Variants in GUCY1A2 observed in about 807,000 individuals in gnomAD.
GUCY1A2 encodes the protein guanylate cyclase 1 soluble subunit alpha 2, also known as guanylate cyclase soluble subunit alpha-2.
In GUCY1A2, 27 loss-of-function variants were observed where a neutral mutation model predicts 63.5. That is an observed-to-expected ratio of 0.43 (90% CI 0.31 to 0.59). The LOEUF (loss-of-function observed/expected upper bound fraction) is 0.59. Among genes scored for constraint, GUCY1A2 ranks in the 20% least tolerant of loss-of-function variants. GUCY1A2 has a pLI of 0.11. For missense variants in GUCY1A2, 768 were observed against 913.3 expected, an observed-to-expected ratio of 0.84 and a Z score of 2.05; for synonymous variants, 364 against 343.5, an observed-to-expected ratio of 1.06 and a Z score of -0.66.
chr11:106,851,779 G>C (rs1182121723), intron 4 of GUCY1A2, among the ~76,000 whole-genome samples: 2 of 151,848 alleles, frequency 1.3e-5, no homozygotes, highest in Non-Finnish European at 2.9e-5. Context: ...ACCACGCCAG[G>C]TGGTGTGATG....
rs529533537 is a variant in GUCY1A2 at position 106,978,620 on chromosome 11, G to C, written c.486C>G (p.Leu162=). 2 of 1,492,550 alleles carry C rather than the reference G, an allele frequency of 1.3e-6. No individual in the cohort carries two copies. The highest frequency in any genetic ancestry group is 1.7e-5 in the Admixed American group (1 of 58,010). 92.5% of individuals were successfully genotyped at this position (1,492,550 alleles called of 1,614,324 possible). A position where few individuals can be genotyped will look rare whatever the true frequency, so the allele number is the denominator to read the frequency against. The stretch of plus-strand genomic sequence containing the variant: ...TATAAATATATATAGTTAATATACC[G>C]AGTATATTAGCAGTACACTGAAGAA... The part of the protein sequence containing the change: ...SGILQCTANI[L]GLKFEEIQKR... Residue 162 remains leucine (L), a splice_region_variant and synonymous_variant, in exon 3 of 8, where the codon CTC becomes CTG. Coordinates refer to ENST00000526355, the MANE Select transcript of GUCY1A2 (RefSeq NM_000855.3).
At chr11:106,714,407 T>C (rs1253451902) in intron 6 of GUCY1A2, among the ~76,000 whole-genome samples, 2 of 152,208 alleles carry the variant, frequency 1.3e-5, no homozygotes, top group African/African-American at 2.4e-5. Flanking sequence ...GCAGACTGTT[T>C]TCTTTTGCAT....
At chr11:106,851,174 T>C (rs1157309688) in intron 4 of GUCY1A2, among the ~76,000 whole-genome samples, 5 of 150,662 alleles carry the variant, frequency 3.3e-5, no homozygotes, top group East Asian at 2.1e-4. Flanking sequence ...TTTGCCCACT[T>C]TTTAAATGGG....
At chr11:106,805,884 T>C (rs899641113) in intron 5 of GUCY1A2, among the ~76,000 whole-genome samples, 9 of 152,180 alleles carry the variant, frequency 5.9e-5, no homozygotes, top group Non-Finnish European at 1.2e-4. Flanking sequence ...ACAAAAACTA[T>C]AGGCTTTAGA....
intron 4 of GUCY1A2, among the ~76,000 whole-genome samples, chr11:106,923,661 CAT>C (rs1254717608): frequency 6.6e-6 from 1 of 151,514 alleles, no homozygotes; most frequent in African/African-American, 2.4e-5. Context: ...CAAATATTGA[CAT>C]ATAAAAGGGG....
chr11:106,845,909 C>G (rs1324046722), intron 4 of GUCY1A2, among the ~76,000 whole-genome samples: 1 of 151,590 alleles, frequency 6.6e-6, no homozygotes, highest in Non-Finnish European at 1.5e-5. Context: ...AAAAGATTTA[C>G]AGCCAACACC....
At position 106,994,986 on chromosome 11, in the gene GUCY1A2, G is replaced by C. The variant is rs112782057; in HGVS notation, c.304-8855C>G. 3.6e-3 allele frequency among the ~76,000 whole-genome samples: 545 copies of C among 152,198 alleles called. 3 individuals are homozygous for C. The highest frequency in any genetic ancestry group is 0.02 in the Middle Eastern group (6 of 294). The stretch of plus-strand genomic sequence containing the variant: ...ACTGGTCACCATCACGGCCAATTTG[G>C]TTCAGTGTGAATGAAAATACCGATG... On this transcript the variant is annotated intron_variant, in intron 1 of 7. Coordinates refer to ENST00000526355, the MANE Select transcript of GUCY1A2 (RefSeq NM_000855.3).
At chr11:106,832,323 G>A (rs150624093) in intron 4 of GUCY1A2, among the ~76,000 whole-genome samples, 12 of 152,178 alleles carry the variant, frequency 7.9e-5, no homozygotes, top group Admixed American at 7.9e-4. Flanking sequence ...AGAAAATATT[G>A]AGGGAATAAT....
At position 107,018,152 on chromosome 11, in the gene GUCY1A2, C is replaced by G; in HGVS notation, c.-97G>C. On this transcript the variant is annotated 5_prime_UTR_variant, in exon 1 of 8. Transcript: ENST00000526355. ...GGGACCGGCAAGCGACAACGTTAAG[C>G]GCGTCGGGGCCGCGGGGCGCTGCGG... 1 of 668,610 alleles carries G rather than the reference C, an allele frequency of 1.5e-6. No homozygotes were observed. 41.4% of individuals were successfully genotyped at this position (668,610 alleles called of 1,614,324 possible). A position where few individuals can be genotyped will look rare whatever the true frequency, so the allele number is the denominator to read the frequency against.
At chr11:106,837,243 C>T (rs1859129597) in intron 4 of GUCY1A2, among the ~76,000 whole-genome samples, 1 of 151,878 alleles carries the variant, frequency 6.6e-6, no homozygotes, top group African/African-American at 2.4e-5. Context: ...TAACAACATG[C>T]AATATTTGCT....
chr11:106,897,609 A>G (rs976532883), intron 4 of GUCY1A2, among the ~76,000 whole-genome samples: 7 of 152,076 alleles, frequency 4.6e-5, no homozygotes, highest in Non-Finnish European at 8.8e-5. Context: ...TGAAAAAAAG[A>G]TACCTTTTTT....
intron 7 of GUCY1A2, among the ~76,000 whole-genome samples, chr11:106,698,023 T>C (rs561589483): frequency 6.6e-6 from 1 of 152,068 alleles, no homozygotes; most frequent in South Asian, 2.1e-4. Context: ...TCATGTTGTT[T>C]CCAGGCTCAA....
chr11:106,932,565 A>G (rs1382408956), intron 4 of GUCY1A2, among the ~76,000 whole-genome samples: 1 of 152,204 alleles, frequency 6.6e-6, no homozygotes, highest in Non-Finnish European at 1.5e-5. Context: ...CTACAGATTC[A>G]ATGCTATTCC....
intron 6 of GUCY1A2, among the ~76,000 whole-genome samples, chr11:106,734,495 T>C (rs553051576): frequency 2.4e-4 from 37 of 152,294 alleles, no homozygotes; most frequent in African/African-American, 6.0e-4. Flanking sequence ...ATGAGTATTT[T>C]GTGTACCACC....
intron 5 of GUCY1A2, among the ~76,000 whole-genome samples, chr11:106,798,633 C>A (rs1311545466): frequency 6.6e-6 from 1 of 152,138 alleles, no homozygotes; most frequent in Admixed American, 6.5e-5. Context: ...TAAATGTAAT[C>A]CAGCATATAA....
intron 3 of GUCY1A2, among the ~76,000 whole-genome samples, chr11:106,959,439 A>T (rs1278029247): frequency 6.6e-6 from 1 of 152,194 alleles, no homozygotes; most frequent in Non-Finnish European, 1.5e-5. Context: ...TCGGATTCAT[A>T]ATGTTCATGA....
At chr11:106,689,837 C>CA (rs894553701) in intron 7 of GUCY1A2, among the ~76,000 whole-genome samples, 11 of 151,150 alleles carry the variant, frequency 7.3e-5, no homozygotes, top group Admixed American at 5.3e-4. Context: ...ATTAAAAATA[C>CA]AAAAAAAATT....
chr11:106,728,509 A>ATGTT (rs1269931539), intron 6 of GUCY1A2, among the ~76,000 whole-genome samples: 1 of 152,200 alleles, frequency 6.6e-6, no homozygotes, highest in Admixed American at 6.5e-5. Flanking sequence ...TTCCCAAAAA[A>ATGTT]TGTTTATCTA....
intron 6 of GUCY1A2, among the ~76,000 whole-genome samples, chr11:106,756,253 G>A (rs2135388604): frequency 6.6e-6 from 1 of 152,272 alleles, no homozygotes; most frequent in Non-Finnish European, 1.5e-5. Context: ...TTGCACATGA[G>A]ATGGGTCTCC....
Sources: allele counts gnomAD v4.1 joint callset (sites outside exome capture counted in the v4.1 genomes callset), GRCh38; gene constraint gnomAD v4.1.1; transcripts MANE v1.5; gene names NCBI Gene and HGNC (gene_info 2026-07-23, HGNC 2026-07-21).